The following MED13 variants were observed in gnomAD, a reference collection of about 807,000 sequenced individuals.
The protein encoded by MED13 is mediator of RNA polymerase II transcription subunit 13.
Under a neutral mutation model 225.2 loss-of-function variants are expected in MED13, and 23 were observed. The observed-to-expected ratio is 0.10, with a 90% CI of 0.07 to 0.14. MED13 has a LOEUF of 0.14. Ranked by LOEUF, MED13 falls within the 10% of genes least tolerant of loss-of-function variation. The pLI, the probability that MED13 is intolerant of heterozygous loss-of-function variation, is 1.00. For synonymous variants in MED13, 942 were observed against 889.2 expected, an observed-to-expected ratio of 1.06 and a Z score of -1.06; for missense variants, 2,197 against 2,594.5, an observed-to-expected ratio of 0.85 and a Z score of 3.33.
rs375146013 is a variant in MED13, at chr17:61,947,194, G to GTT, written c.6292-179_6292-178dup. ...CTTTTAACTAATTCATTATAGAAAT[G>GTT]TTTTTTTTTTTTTTTTTAAGTAGGG... On this transcript the variant is annotated intron_variant, in intron 28 of 29. Transcript: ENST00000397786. Among the ~76,000 whole-genome samples the GTT allele has an allele frequency of 4.4e-3, 556 of 127,776 alleles. 3 individuals carry two copies. Among genetic ancestry groups the GTT allele is most frequent in the African/African-American group, 0.013 (446 of 34,776 alleles). The allele number at this position is 127,776 out of a possible 152,430, so 83.8% of individuals were successfully genotyped here. A position where few individuals can be genotyped will look rare whatever the true frequency, so the allele number is the denominator to read the frequency against.
At chr17:62,035,390 A>C in intron 4 of MED13, 73 bp downstream of exon 4, 1 of 1,275,092 alleles carries the variant, frequency 7.8e-7, no homozygotes, top group Non-Finnish European at 1.1e-6. Flanking sequence ...TCAATCCCCA[A>C]ATGTAAAATT....
At chr17:61,986,223 T>C (rs919110723) in intron 12 of MED13, among the ~76,000 whole-genome samples, 1 of 152,176 alleles carries the variant, frequency 6.6e-6, no homozygotes, top group African/African-American at 2.4e-5. Flanking sequence ...TAAAAGTTTA[T>C]GTATCTGCAA....
chr17:62,003,120 C>T (rs918994880), intron 9 of MED13, among the ~76,000 whole-genome samples: 1 of 152,024 alleles, frequency 6.6e-6, no homozygotes, highest in African/African-American at 2.4e-5. Context: ...AACAATAATT[C>T]CAGGAAAAGG....
At chr17:62,036,788 T>C (rs186315098) in intron 3 of MED13, 6 of 152,170 alleles carry the variant, frequency 3.9e-5, no homozygotes, top group East Asian at 1.9e-4. Context: ...GAACAAGAAA[T>C]AGAAATTTAA....
At chr17:62,026,291 A>C (rs2080701143) in intron 8 of MED13, among the ~76,000 whole-genome samples, 1 of 152,162 alleles carries the variant, frequency 6.6e-6, no homozygotes. Context: ...TTCTTCTACC[A>C]ATCATTCAAC....
intron 9 of MED13, among the ~76,000 whole-genome samples, chr17:61,997,918 A>G (rs1470548486): frequency 2.0e-5 from 3 of 152,190 alleles, no homozygotes; most frequent in Non-Finnish European, 2.9e-5. Flanking sequence ...CTCTATTAAA[A>G]TAAAAAATGA....
intron 10 of MED13, among the ~76,000 whole-genome samples, chr17:61,994,918 C>T (rs556683161): frequency 6.6e-6 from 1 of 152,268 alleles, no homozygotes; most frequent in South Asian, 2.1e-4. Flanking sequence ...ACCATGTTGG[C>T]CAAGCTGGTC....
intron 8 of MED13, among the ~76,000 whole-genome samples, chr17:62,015,819 TACAC>T (rs200294393): frequency 8.3e-5 from 10 of 120,436 alleles, no homozygotes; most frequent in Non-Finnish European, 3.4e-5. Flanking sequence ...TATATATACA[TACAC>T]ACTATATATA....
intron 28 of MED13, among the ~76,000 whole-genome samples, chr17:61,949,877 G>C (rs1164375219): frequency 2.0e-5 from 3 of 151,926 alleles, no homozygotes; most frequent in African/African-American, 7.3e-5. Context: ...TAGAAACGGG[G>C]TCTCACCATG....
chr17:61,951,893 T>C (rs1190642753), intron 27 of MED13, among the ~76,000 whole-genome samples: 1 of 152,162 alleles, frequency 6.6e-6, no homozygotes, highest in Non-Finnish European at 1.5e-5. Flanking sequence ...CACCAGTATA[T>C]ATAATTTCTT....
intron 2 of MED13, among the ~76,000 whole-genome samples, chr17:62,058,842 G>C (rs963614695): frequency 1.3e-5 from 2 of 152,104 alleles, no homozygotes; most frequent in African/African-American, 4.8e-5. Flanking sequence ...AGTAACTGAG[G>C]GTTTAAAGTA....
intron 2 of MED13, among the ~76,000 whole-genome samples, chr17:62,057,241 C>A (rs2143772574): frequency 6.6e-6 from 1 of 152,018 alleles, no homozygotes; most frequent in Non-Finnish European, 1.5e-5. Context: ...TGTTTAAATG[C>A]TAGATCAGTG....
chr17:61,987,295 T>C (rs147676425), intron 11 of MED13, among the ~76,000 whole-genome samples, 167 bp from the exon 12 acceptor site: 1 of 151,754 alleles, frequency 6.6e-6, no homozygotes, highest in Non-Finnish European at 1.5e-5. Flanking sequence ...ATCAGCTGAG[T>C]GTGGTGGCAG....
rs57772316 is a variant in MED13 at position 61,983,731 on chromosome 17, CTT to C, written c.2888+438_2888+439del. On this transcript the variant is annotated intron_variant, in intron 15 of 29. Transcript: ENST00000397786. ...AATAGTTTATCCATACCCAATTAAC[CTT>C]TTTTTTTTTTTTTTTGAGACAAAGT... is the stretch of plus-strand genomic sequence containing the variant. Among the ~76,000 whole-genome samples, 749 of 138,398 alleles carry C rather than the reference CTT, an allele frequency of 5.4e-3. 5 individuals carry two copies. Among genetic ancestry groups the C allele is most frequent in the African/African-American group, 0.016 (591 of 37,708 alleles). The allele number at this position is 138,398 out of a possible 152,430, so 90.8% of individuals were successfully genotyped here. A position where few individuals can be genotyped will look rare whatever the true frequency, so the allele number is the denominator to read the frequency against.
rs756481917 is a variant in MED13, at chr17:61,961,580, A to G, written c.5256+8T>C. On this transcript the variant is annotated splice_region_variant and intron_variant, in intron 22 of 29. Coordinates refer to ENST00000397786, the MANE Select transcript of MED13 (RefSeq NM_005121.3). ...ATTGAACTTCGGTCATGAAAAACATATACTTACATCAGGACTTCTAAGGGC... is the reference window on the plus strand; with the variant it reads ...ATTGAACTTCGGTCATGAAAAACATGTACTTACATCAGGACTTCTAAGGGC... 8.7e-6 allele frequency: 14 copies of G among 1,604,458 alleles called. No homozygotes were observed. The South Asian group carries it at 1.4e-4, about 16-fold the overall frequency.
chr17:61,962,929 A>G lies in MED13; in HGVS notation c.4887T>C (p.Asp1629=), dbSNP rs1420225136. 6.2e-7 allele frequency: 1 copy of G among 1,614,132 alleles called. No homozygotes were observed. The highest frequency in any genetic ancestry group is 8.5e-7 in the Non-Finnish European group (1 of 1,180,024). ...RDKVGIPTDG[D]SHAVTYPPAI... The stretch of plus-strand genomic sequence containing the variant: ...CAGGTGGATACGTGACTGCATGTGA[A>G]TCACCATCTGTGGGGATTCCCACTT... The change falls in exon 21 of 30, where the codon GAT becomes GAC. Residue 1629 remains aspartate, a synonymous_variant. Transcript: ENST00000397786.
intron 2 of MED13, among the ~76,000 whole-genome samples, chr17:62,054,545 A>G (rs1037926002): frequency 6.6e-6 from 1 of 152,180 alleles, no homozygotes; most frequent in Non-Finnish European, 1.5e-5. Context: ...AGAATAGAGA[A>G]GCAGCACAAA....
At chr17:61,993,196 C>CTTTTTTTTTTTTT (rs1267367816) in intron 10 of MED13, among the ~76,000 whole-genome samples, 8 of 127,420 alleles carry the variant, frequency 6.3e-5, no homozygotes, top group African/African-American at 2.5e-4. Context: ...TTCTTTCTTT[C>CTTTTTTTTTTTTT]TTTCTTTTTT....
At position 61,944,738 on chromosome 17, in the gene MED13, C is replaced by G. The variant is rs118067315; in HGVS notation, c.*1730G>C. ...GTTTTGTAAATACAACTGATTTTGT[C>G]CTTGTAGATAATTAGTGAACGTACA... On this transcript the variant is annotated 3_prime_UTR_variant, in exon 30 of 30. Transcript: ENST00000397786. 1 of 152,356 alleles carries G rather than the reference C, an allele frequency of 6.6e-6. No homozygotes were observed. The highest frequency in any genetic ancestry group is 2.4e-5 in the African/African-American group (1 of 41,370). The allele number at this position is 152,356 out of a possible 1,614,324, so 9.4% of individuals were successfully genotyped here. A position where few individuals can be genotyped will look rare whatever the true frequency, so the allele number is the denominator to read the frequency against.
Sources: allele counts gnomAD v4.1 joint callset (sites outside exome capture counted in the v4.1 genomes callset), GRCh38; gene constraint gnomAD v4.1.1; transcripts MANE v1.5; gene names NCBI Gene and HGNC (gene_info 2026-07-23, HGNC 2026-07-21).